NRL: variants seen among roughly 807,000 people sequenced by gnomAD.
NRL encodes neural retina-specific leucine zipper protein.
A neutral mutation model predicts 12.5 loss-of-function variants in NRL; 16 were observed. The ratio of observed to expected loss-of-function variants is 1.28; its 90% CI spans 0.87 to 1.95. The LOEUF is 1.95. NRL is among the 30% of genes most tolerant of loss of function. The pLI, the probability that NRL is intolerant of heterozygous loss-of-function variation, is 0.00. For missense variants in NRL, 314 were observed against 325.8 expected, an observed-to-expected ratio of 0.96 and a Z score of 0.28; for synonymous variants, 142 against 150.9, an observed-to-expected ratio of 0.94 and a Z score of 0.43.
intron 1 of NRL, chr14:24,103,466 C>CTG (rs778668250): frequency 1.3e-6 from 2 of 1,482,602 alleles, no homozygotes; most frequent in Non-Finnish European, 1.8e-6. Flanking sequence ...CTTCCCTACC[C>CTG]CAGTGAGAAG....
rs910897769 is a variant in NRL at position 24,103,443 on chromosome 14, G to A, written c.-28+11279C>T. 2.9e-6 allele frequency: 4 copies of A among 1,373,660 alleles called. No individual in the cohort carries two copies. In the African/African-American group the frequency reaches 5.8e-5, roughly 20 times the overall value. The allele number at this position is 1,373,660 out of a possible 1,614,324, so 85.1% of individuals were successfully genotyped here. On this transcript the variant is annotated intron_variant, in intron 1 of 2. Transcript: ENST00000561028. ...AGCCTTTCACAGCTTCCTCCAACTGGATGCAGGGTGCCCTTCCCTACCCCA... is the reference window on the plus strand; with the variant it reads ...AGCCTTTCACAGCTTCCTCCAACTGAATGCAGGGTGCCCTTCCCTACCCCA...
chr14:24,100,653 G>A, intron 1 of NRL: 1 of 904,148 alleles, frequency 1.1e-6, no homozygotes, highest in Non-Finnish European at 1.3e-6. Context: ...TATCCATAAA[G>A]TTTGGCCCAT....
rs756169536 is a variant in NRL at position 24,098,711 on chromosome 14, G to A, written c.-27-15836C>T. Reference sequence around the variant, plus strand: ...CCTGCTCTGCCCCAAGGGGAACACAGAGGCCTTCTTGTACTCAGAGGAAAT... The same window carrying A: ...CCTGCTCTGCCCCAAGGGGAACACAAAGGCCTTCTTGTACTCAGAGGAAAT... On this transcript the variant is annotated intron_variant, in intron 1 of 2. Transcript: ENST00000561028. The A allele has an allele frequency of 8.9e-6, 14 of 1,577,014 alleles. No homozygotes were observed. The East Asian group carries it at 2.7e-4, about 30-fold the overall frequency.
intron 1 of NRL, among the ~76,000 whole-genome samples, chr14:24,091,085 T>C (rs2036615162): frequency 6.6e-6 from 1 of 151,124 alleles, no homozygotes; most frequent in South Asian, 2.1e-4. Context: ...ACAGATGAAA[T>C]AGATGTTCAT....
Position 24,094,615 on chromosome 14 carries a change from G to A in NRL, c.-27-11740C>T. The A allele has an allele frequency of 6.8e-7, 1 of 1,465,196 alleles. No individual in the cohort carries two copies. The highest frequency in any genetic ancestry group is 9.0e-7 in the Non-Finnish European group (1 of 1,109,284). 90.8% of individuals were successfully genotyped at this position (1,465,196 alleles called of 1,614,324 possible). A position where few individuals can be genotyped will look rare whatever the true frequency, so the allele number is the denominator to read the frequency against. ...CGCGCGTCTCTTGGGAGGGCAGCCG[G>A]CCGGTGCTCCTCGTTTCCGCCTGCA... On this transcript the variant is annotated intron_variant, in intron 1 of 2. Coordinates refer to ENST00000561028, the MANE Select transcript of NRL (RefSeq NM_001354768.3). The surrounding 1 kb of genome is among the most constrained non-coding windows in gnomAD (Gnocchi z 4.1).
At chr14:24,092,617 A>C (rs2036667830) in intron 1 of NRL, among the ~76,000 whole-genome samples, 1 of 152,230 alleles carries the variant, frequency 6.6e-6, no homozygotes, top group South Asian at 2.1e-4. Flanking sequence ...AAGAGATCCA[A>C]ATACATATAC....
At chr14:24,098,082 T>G in intron 1 of NRL, 9 of 758,160 alleles carry the variant, frequency 1.2e-5, no homozygotes, top group Non-Finnish European at 1.9e-5. Flanking sequence ...TGAGATGTGA[T>G]TGGGTGGGGA....
At chr14:24,103,018 G>T in intron 1 of NRL, 8 of 1,249,944 alleles carry the variant, frequency 6.4e-6, no homozygotes, top group Non-Finnish European at 9.3e-6. Flanking sequence ...CCTGGTGAAT[G>T]CAAACTTGGG....
At chr14:24,096,776 TC>T in intron 1 of NRL, 1 of 848,990 alleles carries the variant, frequency 1.2e-6, no homozygotes, top group Non-Finnish European at 1.9e-6. Flanking sequence ...CTCTTCATGG[TC>T]CCTGCATGCA....
At chr14:24,097,495 C>T (rs563181306) in intron 1 of NRL, among the ~76,000 whole-genome samples, 3 of 150,536 alleles carry the variant, frequency 2.0e-5, no homozygotes, top group African/African-American at 7.3e-5. Flanking sequence ...ACCCAAGAGG[C>T]GGAGGTTGCA....
In NRL at chr14:24,104,965, G is replaced by A. The variant is rs369505752; in HGVS notation, c.-28+9757C>T. Reference sequence around the variant, plus strand: ...AGACCCTAACCCAGCAGTGCTAGAGGAATTAAAAACACGCACACAGAAATA... The same window carrying A: ...AGACCCTAACCCAGCAGTGCTAGAGAAATTAAAAACACGCACACAGAAATA... On this transcript the variant is annotated intron_variant, in intron 1 of 2. Coordinates refer to ENST00000561028, the MANE Select transcript of NRL (RefSeq NM_001354768.3). 2.6e-5 allele frequency among the ~76,000 whole-genome samples: 4 copies of A among 152,304 alleles called. No individual in the cohort carries two copies. In the East Asian group the frequency reaches 7.7e-4, roughly 29 times the overall value.
rs771599629 is a variant in NRL, at chr14:24,103,689, G to T, written c.-28+11033C>A. On this transcript the variant is annotated intron_variant, in intron 1 of 2. Coordinates refer to ENST00000561028, the MANE Select transcript of NRL (RefSeq NM_001354768.3). ...GCACTTCCTGTGGCCAGGCTTTGGGGAGAATGCTCGGGTGCTAGACTGGAT... is the reference window on the plus strand; with the variant it reads ...GCACTTCCTGTGGCCAGGCTTTGGGTAGAATGCTCGGGTGCTAGACTGGAT... 24 of 1,614,112 alleles carry T rather than the reference G, an allele frequency of 1.5e-5. No individual in the cohort carries two copies. Among genetic ancestry groups the T allele is most frequent in the Non-Finnish European group, 1.9e-5 (22 of 1,180,050 alleles).
At chr14:24,090,777 TG>T (rs2036605002) in intron 1 of NRL, among the ~76,000 whole-genome samples, 1 of 152,190 alleles carries the variant, frequency 6.6e-6, no homozygotes, top group Non-Finnish European at 1.5e-5. Flanking sequence ...AAGAAAAGTG[TG>T]TGGCAGATAA....
chr14:24,081,524 C>T lies in NRL; in HGVS notation c.426G>A (p.Val142=). 1 of 1,604,662 alleles carries T rather than the reference C, an allele frequency of 6.2e-7. No individual in the cohort carries two copies. The highest frequency in any genetic ancestry group is 1.7e-4 in the Middle Eastern group (1 of 6,022). Residue 142 remains valine, a synonymous_variant, in exon 3 of 3, where the codon GTG becomes GTA. Coordinates refer to ENST00000561028, the MANE Select transcript of NRL (RefSeq NM_001354768.3). This position sits in a 1 kb window ranked among gnomAD's most constrained non-coding sequence, Gnocchi z 4.4. ...CCCGCAGCTGCCGGTTTAGCTCCCG[C>T]ACAGACATCGAGACCAGCGCCGCGT... ...FSDAALVSMS[V]RELNRQLRGC...
rs1460762383 is a variant in NRL, at chr14:24,094,830, G to A, written c.-27-11955C>T. 3 of 1,325,234 alleles carry A rather than the reference G, an allele frequency of 2.3e-6. No individual in the cohort carries two copies. The highest frequency in any genetic ancestry group is 3.0e-6 in the Non-Finnish European group (3 of 1,012,568). The allele number at this position is 1,325,234 out of a possible 1,614,324, so 82.1% of individuals were successfully genotyped here. On this transcript the variant is annotated intron_variant, in intron 1 of 2. Transcript: ENST00000561028. This position sits in a 1 kb window ranked among gnomAD's most constrained non-coding sequence, Gnocchi z 4.1. Reference sequence around the variant, plus strand: ...CCCAGGGTACTTCGAGAGGCAGCAGGGCCCTGGGGACAAGGGTACGTGAGC... The same window carrying A: ...CCCAGGGTACTTCGAGAGGCAGCAGAGCCCTGGGGACAAGGGTACGTGAGC...
chr14:24,111,424 A>G (rs1396524343), intron 1 of NRL, among the ~76,000 whole-genome samples: 1 of 152,052 alleles, frequency 6.6e-6, no homozygotes, highest in Non-Finnish European at 1.5e-5. Context: ...CCCAGGCTGG[A>G]GTGCAGTGGC....
chr14:24,095,515 C>T (rs945226861), intron 1 of NRL: 3 of 294,936 alleles, frequency 1.0e-5, no homozygotes, highest in East Asian at 1.6e-4. Context: ...CTTCCCCAGG[C>T]TAACACCCTC....
At chr14:24,105,365 G>A (rs2037321074) in intron 1 of NRL, among the ~76,000 whole-genome samples, 1 of 152,230 alleles carries the variant, frequency 6.6e-6, no homozygotes, top group Admixed American at 6.5e-5. Flanking sequence ...CAGAGATTTT[G>A]CTTATGGCCA....
At chr14:24,098,737 C>A (rs1297878565) in intron 1 of NRL, 3 of 1,435,392 alleles carry the variant, frequency 2.1e-6, no homozygotes, top group Admixed American at 3.5e-5. Flanking sequence ...CAGAGGAAAT[C>A]CCAAATCCTA....
Sources: gnomAD v4.1 joint callset for allele counts (sites outside exome capture counted in the v4.1 genomes callset) on GRCh38, gnomAD v4.1.1 for gene constraint, Gnocchi (gnomAD v3.1) non-coding constraint, MANE v1.5 for transcripts, NCBI Gene and HGNC (gene_info 2026-07-23, HGNC 2026-07-21) for gene names.